The following CTRC variants were observed in gnomAD, a reference collection of about 807,000 sequenced individuals.
The protein encoded by CTRC is chymotrypsin C.
In CTRC, 32 loss-of-function variants were observed where a neutral mutation model predicts 35.7. The ratio of observed to expected loss-of-function variants is 0.90; its 90% CI spans 0.68 to 1.20. The LOEUF (loss-of-function observed/expected upper bound fraction) is 1.20. Ranked by LOEUF, CTRC falls within the 50% of genes most tolerant of loss-of-function variation. CTRC has a pLI of 0.00. For synonymous variants in CTRC, 119 were observed against 149.5 expected, an observed-to-expected ratio of 0.80 and a Z score of 1.49; for missense variants, 324 against 361.5, an observed-to-expected ratio of 0.90 and a Z score of 0.84.
intron 6 of CTRC, 52 bp from the exon 7 acceptor site, chr1:15,445,545 G>T (rs1708202284): frequency 1.3e-6 from 2 of 1,598,252 alleles, no homozygotes; most frequent in South Asian, 2.2e-5. Context: ...TGCTTCCCAA[G>T]ACTTCCTCTG....
intron 4 of CTRC, 142 bp from the exon 5 acceptor site, chr1:15,443,274 CAAG>C: frequency 1.1e-6 from 1 of 902,138 alleles, no homozygotes; most frequent in Non-Finnish European, 1.8e-6. Context: ...TCCCAAAGGC[CAAG>C]AAGAAGCTGG....
At position 15,444,628 on chromosome 1, in the gene CTRC, G is replaced by A. The variant is rs1227051263; in HGVS notation, c.516G>A (p.Lys172=). 1.2e-6 allele frequency: 2 copies of A among 1,614,200 alleles called. No homozygotes were observed. Among genetic ancestry groups the A allele is most frequent in the Non-Finnish European group, 8.5e-7 (1 of 1,180,026 alleles). ...CAGCCAACGGCCCCATTGCTGATAA[G>A]CTGCAGCAGGGCCTGCAGCCCGTGG... is the stretch of plus-strand genomic sequence containing the variant. The part of the protein sequence containing the change: ...RLWTNGPIAD[K]LQQGLQPVVD... Residue 172 remains lysine (K), a synonymous_variant, in exon 6 of 8, where the codon AAG becomes AAA. Transcript: ENST00000375949.
chr1:15,438,580 G>GT, intron 1 of CTRC, 76 bp downstream of exon 1: 1 of 1,535,812 alleles, frequency 6.5e-7, no homozygotes, highest in Non-Finnish European at 9.0e-7. Context: ...GGGATGGGGA[G>GT]TGGGGGGGCC....
intron 3 of CTRC, among the ~76,000 whole-genome samples, chr1:15,441,719 A>C (rs1708136122): frequency 6.7e-6 from 1 of 149,776 alleles, no homozygotes; most frequent in South Asian, 2.1e-4. Context: ...GTAGAGACAG[A>C]GTCTCATTTA....
At chr1:15,443,019 C>A (rs1024982232) in intron 4 of CTRC, among the ~76,000 whole-genome samples, 1 of 152,168 alleles carries the variant, frequency 6.6e-6, no homozygotes. Context: ...CTGACTGGGC[C>A]GGCCAGCTTT....
chr1:15,445,662 C>T lies in CTRC; in HGVS notation c.705C>T (p.Val235=). The T allele has an allele frequency of 6.2e-7, 1 of 1,614,214 alleles. No homozygotes were observed. Among genetic ancestry groups the T allele is most frequent in the Non-Finnish European group, 8.5e-7 (1 of 1,180,038 alleles). The change falls in exon 7 of 8, where the codon GTC becomes GTT. Residue 235 remains valine (V), a synonymous_variant. Coordinates refer to ENST00000375949, the MANE Select transcript of CTRC (RefSeq NM_007272.3). The part of the protein sequence containing the change: ...ENGSWEVFGI[V]SFGSRRGCNT... ...GTTCCTGGGAGGTGTTTGGCATCGT[C>T]AGCTTTGGCTCCCGGCGGGGCTGCA...
At chr1:15,444,515 C>T in intron 5 of CTRC, 91 bp from the exon 6 acceptor site, 1 of 1,524,088 alleles carries the variant, frequency 6.6e-7, no homozygotes, top group Non-Finnish European at 9.0e-7. Context: ...CCCCTGGGTC[C>T]TGTCCCAGGC....
At position 15,447,205 on chromosome 1, in the gene CTRC, C is replaced by T; in HGVS notation, c.*616C>T. 1 of 180,502 alleles carries T rather than the reference C, an allele frequency of 5.5e-6. No homozygotes were observed. Among genetic ancestry groups the T allele is most frequent in the Admixed American group, 5.4e-5 (1 of 18,482 alleles). 11.2% of individuals were successfully genotyped at this position (180,502 alleles called of 1,614,324 possible). ...GGCTGCTGTTGGCAGGGGCTCTCTG[C>T]TTTGAGAAGTGTTTAGTGAGCCAGC... On this transcript the variant is annotated 3_prime_UTR_variant, in exon 8 of 8. Transcript: ENST00000375949.
Position 15,447,110 on chromosome 1 carries a change from G to A in CTRC, c.*521G>A, listed in dbSNP as rs1424619668. Reference sequence around the variant, plus strand: ...CACAGGAGGATGGCCAAAGCTCAGGGACAACCACTCCTGGGGAAGGGGCTC... The same window carrying A: ...CACAGGAGGATGGCCAAAGCTCAGGAACAACCACTCCTGGGGAAGGGGCTC... On this transcript the variant is annotated 3_prime_UTR_variant, in exon 8 of 8. Coordinates refer to ENST00000375949, the MANE Select transcript of CTRC (RefSeq NM_007272.3). 4.0e-6 allele frequency: 1 copy of A among 250,332 alleles called. No homozygotes were observed. The highest frequency in any genetic ancestry group is 1.0e-4 in the East Asian group (1 of 9,562). 15.5% of individuals were successfully genotyped at this position (250,332 alleles called of 1,614,324 possible).
intron 4 of CTRC, 39 bp from the exon 5 acceptor site, chr1:15,443,380 G>A: frequency 6.2e-7 from 1 of 1,613,916 alleles, no homozygotes; most frequent in Non-Finnish European, 8.5e-7. Context: ...TGGGGCCAGG[G>A]CCCTCCTGCC....
chr1:15,440,343 C>T lies in CTRC; in HGVS notation c.84C>T (p.Ala28=), dbSNP rs779009847. The T allele has an allele frequency of 1.4e-5, 22 of 1,611,542 alleles. No homozygotes were observed. Among genetic ancestry groups the T allele is most frequent in the Admixed American group, 3.3e-5 (2 of 59,748 alleles). The change falls in exon 2 of 8, where the codon GCC becomes GCT. Residue 28 remains alanine, a synonymous_variant. Coordinates refer to ENST00000375949, the MANE Select transcript of CTRC (RefSeq NM_007272.3). The part of the protein sequence containing the change: ...GVPSFPPNLS[A]RVVGGEDARP... ...CCAGCTTCCCGCCCAACCTATCCGC[C>T]CGAGTGGTGGGAGGAGAGGATGCCC... is the stretch of plus-strand genomic sequence containing the variant.
chr1:15,444,204 C>T (rs1255912084), intron 5 of CTRC, among the ~76,000 whole-genome samples: 1 of 151,862 alleles, frequency 6.6e-6, no homozygotes, highest in Non-Finnish European at 1.5e-5. Context: ...CTGCAGTGAG[C>T]TATGATCTTG....
intron 3 of CTRC, 95 bp downstream of exon 3, chr1:15,440,685 C>G: frequency 9.2e-7 from 1 of 1,081,506 alleles, no homozygotes; most frequent in South Asian, 1.3e-5. Flanking sequence ...ACTCCAGGCA[C>G]TGGGCTACAT....
chr1:15,444,879 G>A, intron 6 of CTRC, 128 bp downstream of exon 6: 1 of 1,219,786 alleles, frequency 8.2e-7, no homozygotes, highest in East Asian at 2.4e-5. Flanking sequence ...GGCCCAGCAG[G>A]CTCAGGGTAA....
At chr1:15,445,494 G>T in intron 6 of CTRC, 103 bp from the exon 7 acceptor site, 1 of 1,257,190 alleles carries the variant, frequency 8.0e-7, no homozygotes. Flanking sequence ...CACTAACTAA[G>T]GCTGAGAAGC....
intron 5 of CTRC, 60 bp from the exon 6 acceptor site, chr1:15,444,546 G>A (rs1708186357): frequency 6.2e-7 from 1 of 1,609,946 alleles, no homozygotes; most frequent in Non-Finnish European, 8.5e-7. Context: ...TGAAGGCCTG[G>A]GGAGGGGCTG....
At chr1:15,442,341 T>A (rs937078886) in intron 3 of CTRC, 106 bp from the exon 4 acceptor site, 11 of 1,406,134 alleles carry the variant, frequency 7.8e-6, no homozygotes, top group Non-Finnish European at 1.1e-5. Context: ...ATGGGAACAC[T>A]CTCTTCCCCC....
chr1:15,447,746 T>C lies in CTRC; in HGVS notation c.*1157T>C, dbSNP rs1204730571. ...CTACCTCAGACTGGCCCAAGAGTTG[T>C]CCCTTTTCTCCACCAGACTTTGTCC... On this transcript the variant is annotated 3_prime_UTR_variant, in exon 8 of 8. Coordinates refer to ENST00000375949, the MANE Select transcript of CTRC (RefSeq NM_007272.3). 1.3e-5 allele frequency: 2 copies of C among 152,300 alleles called. No individual in the cohort carries two copies. The highest frequency in any genetic ancestry group is 6.5e-5 in the Admixed American group (1 of 15,288). The allele number at this position is 152,300 out of a possible 1,614,324, so 9.4% of individuals were successfully genotyped here. A position where few individuals can be genotyped will look rare whatever the true frequency, so the allele number is the denominator to read the frequency against.
At position 15,447,031 on chromosome 1, in the gene CTRC, G is replaced by GTC. The variant is rs1708232851; in HGVS notation, c.*443_*444insCT. 4 of 319,456 alleles carry GTC rather than the reference G, an allele frequency of 1.3e-5. No homozygotes were observed. The highest frequency in any genetic ancestry group is 2.4e-5 in the Non-Finnish European group (4 of 163,332). 19.8% of individuals were successfully genotyped at this position (319,456 alleles called of 1,614,324 possible). ...GGTCCTCACAGCCCCCCAGCAGCAGGTGGAAGACAGGGTCTCCCCAAAAGC... is the reference window on the plus strand; with the variant it reads ...GGTCCTCACAGCCCCCCAGCAGCAGGTCTGGAAGACAGGGTCTCCCCAAAAGC... On this transcript the variant is annotated 3_prime_UTR_variant, in exon 8 of 8. Transcript: ENST00000375949.
Sources: gnomAD v4.1 joint callset for allele counts (sites outside exome capture counted in the v4.1 genomes callset) on GRCh38, gnomAD v4.1.1 for gene constraint, MANE v1.5 for transcripts, NCBI Gene and HGNC (gene_info 2026-07-23, HGNC 2026-07-21) for gene names.